Variants in CNBD1 observed in about 807,000 individuals in gnomAD.
CNBD1 encodes cyclic nucleotide binding domain containing 1, also known as cyclic nucleotide-binding domain-containing protein 1.
CNBD1 carries 71 observed loss-of-function variants against 54.4 expected under a neutral mutation model. The ratio of observed to expected loss-of-function variants is 1.30; its 90% CI spans 1.08 to 1.59. The LOEUF is 1.59. CNBD1 is among the 40% of genes most tolerant of loss of function. The pLI, the probability that CNBD1 is intolerant of heterozygous loss-of-function variation, is 0.00. For missense variants in CNBD1, 659 were observed against 518.0 expected (o/e 1.27, Z -2.64); for synonymous variants, 182 against 170.7 (o/e 1.07, Z -0.51).
At chr8:87,259,204 T>G (rs1053317082) in intron 6 of CNBD1, among the ~76,000 whole-genome samples, 3 of 152,316 alleles carry the variant, frequency 2.0e-5, no homozygotes, top group African/African-American at 7.2e-5. Context: ...TGACTTGTCC[T>G]AAACATCCCT....
At position 87,378,067 on chromosome 8, in the gene CNBD1, G is replaced by C. The variant is rs1287935699; in HGVS notation, c.1304-4553G>C. On this transcript the variant is annotated intron_variant, in intron 10 of 10. Transcript: ENST00000518476. Reference sequence around the variant, plus strand: ...TCTGGATATTAGCCCTTTGTCAGATGAGTAGGTTGCGAAAATTTTCTCCCA... The same window carrying C: ...TCTGGATATTAGCCCTTTGTCAGATCAGTAGGTTGCGAAAATTTTCTCCCA... Among the ~76,000 whole-genome samples, 14 of 142,824 alleles carry C rather than the reference G, an allele frequency of 9.8e-5. No homozygotes were observed. The South Asian group carries it at 2.7e-3, about 27-fold the overall frequency. The allele number at this position is 142,824 out of a possible 152,430, so 93.7% of individuals were successfully genotyped here. A position where few individuals can be genotyped will look rare whatever the true frequency, so the allele number is the denominator to read the frequency against.
At chr8:87,202,344 A>C (rs1043933883) in intron 4 of CNBD1, among the ~76,000 whole-genome samples, 1 of 152,254 alleles carries the variant, frequency 6.6e-6, no homozygotes, top group Admixed American at 6.5e-5. Context: ...AGAAGATTAG[A>C]ATAATAACCA....
At position 87,140,141 on chromosome 8, in the gene CNBD1, C is replaced by T. The variant is rs141043825; in HGVS notation, c.432-65852C>T. On this transcript the variant is annotated intron_variant, in intron 4 of 10. Coordinates refer to ENST00000518476, the MANE Select transcript of CNBD1 (RefSeq NM_173538.3). ...ATTAATGCTGACAAACATATTTTCCCATTTATTGCCAACAACATGTTATTT... is the reference window on the plus strand; with the variant it reads ...ATTAATGCTGACAAACATATTTTCCTATTTATTGCCAACAACATGTTATTT... Among the ~76,000 whole-genome samples, 1,165 of 152,162 alleles carry T rather than the reference C, an allele frequency of 7.7e-3. 14 individuals are homozygous for T. The highest frequency in any genetic ancestry group is 0.027 in the African/African-American group (1,122 of 41,522).
chr8:86,993,389 G>T (rs537491376), intron 4 of CNBD1, among the ~76,000 whole-genome samples: 3 of 152,066 alleles, frequency 2.0e-5, no homozygotes, highest in Non-Finnish European at 2.9e-5. Context: ...CTGGGATTGG[G>T]TTTCAACTTT....
intron 8 of CNBD1, among the ~76,000 whole-genome samples, chr8:87,287,813 G>A (rs969362772): frequency 1.1e-4 from 16 of 151,820 alleles, no homozygotes; most frequent in Non-Finnish European, 2.1e-4. Flanking sequence ...AACCTTTCTC[G>A]TATTTCTTCC....
At chr8:87,017,612 G>A (rs896458314) in intron 4 of CNBD1, among the ~76,000 whole-genome samples, 1 of 152,112 alleles carries the variant, frequency 6.6e-6, no homozygotes, top group African/African-American at 2.4e-5. Flanking sequence ...CTAATTGTAA[G>A]GAGTTGCTAA....
intron 8 of CNBD1, among the ~76,000 whole-genome samples, chr8:87,331,617 A>T (rs1809833981): frequency 6.6e-6 from 1 of 152,200 alleles, no homozygotes; most frequent in Non-Finnish European, 1.5e-5. Context: ...TTCTAGTTCT[A>T]GATCCTTAAA....
chr8:87,360,556 T>A (rs1286407913), intron 10 of CNBD1, among the ~76,000 whole-genome samples: 2 of 151,902 alleles, frequency 1.3e-5, no homozygotes, highest in African/African-American at 2.4e-5. Context: ...TCAAGTCATT[T>A]AAGGTAAAGA....
At chr8:87,136,495 T>C (rs1812229825) in intron 4 of CNBD1, among the ~76,000 whole-genome samples, 2 of 133,980 alleles carry the variant, frequency 1.5e-5, no homozygotes, top group Admixed American at 9.2e-5. Flanking sequence ...TATTTATTGA[T>C]TTTTTTACTT....
intron 1 of CNBD1, among the ~76,000 whole-genome samples, chr8:86,869,652 G>T (rs919180286): frequency 2.0e-5 from 3 of 152,126 alleles, no homozygotes; most frequent in African/African-American, 7.2e-5. Context: ...CTTAAGGGAG[G>T]AATGAATGTT....
intron 4 of CNBD1, among the ~76,000 whole-genome samples, chr8:87,082,736 G>A (rs1415004683): frequency 6.6e-6 from 1 of 151,992 alleles, no homozygotes; most frequent in African/African-American, 2.4e-5. Flanking sequence ...TACATTTAAT[G>A]TATCACTGTG....
At chr8:87,159,412 A>G (rs1040218280) in intron 4 of CNBD1, among the ~76,000 whole-genome samples, 1 of 152,166 alleles carries the variant, frequency 6.6e-6, no homozygotes, top group Non-Finnish European at 1.5e-5. Flanking sequence ...AATTAAAACA[A>G]TAAAGTTATA....
intron 10 of CNBD1, among the ~76,000 whole-genome samples, chr8:87,368,204 G>T (rs1810683494): frequency 7.1e-6 from 1 of 140,798 alleles, no homozygotes; most frequent in Admixed American, 6.9e-5. Context: ...TATAGAATTT[G>T]GGTTTTGGTT....
At chr8:87,335,191 A>T (rs1253102442) in intron 8 of CNBD1, among the ~76,000 whole-genome samples, 4 of 152,228 alleles carry the variant, frequency 2.6e-5, no homozygotes, top group East Asian at 3.9e-4. Flanking sequence ...TTCTTTTGTG[A>T]TGGAGAGTTC....
chr8:86,968,997 G>A (rs1009048237), intron 4 of CNBD1, among the ~76,000 whole-genome samples: 1 of 152,146 alleles, frequency 6.6e-6, no homozygotes, highest in Non-Finnish European at 1.5e-5. Context: ...TGGGCAAATT[G>A]TGAGGGAAGT....
chr8:87,126,463 G>A lies in CNBD1; in HGVS notation c.432-79530G>A, dbSNP rs988603581. 8.6e-5 allele frequency among the ~76,000 whole-genome samples: 13 copies of A among 151,824 alleles called. No homozygotes were observed. In the East Asian group the frequency reaches 2.3e-3, roughly 27 times the overall value. On this transcript the variant is annotated intron_variant, in intron 4 of 10. Transcript: ENST00000518476. Reference sequence around the variant, plus strand: ...CCTTTTACTTGTACAAATCTTTGTCGGTTCAAATCTTATGTCCATTTGTTT... The same window carrying A: ...CCTTTTACTTGTACAAATCTTTGTCAGTTCAAATCTTATGTCCATTTGTTT...
intron 4 of CNBD1, among the ~76,000 whole-genome samples, chr8:87,081,001 A>G (rs1234758601): frequency 6.8e-6 from 1 of 147,270 alleles, no homozygotes; most frequent in African/African-American, 2.5e-5. Flanking sequence ...GCTTTCATAT[A>G]TTTTCTCTTT....
At chr8:86,876,504 AG>A (rs1808523009) in intron 1 of CNBD1, among the ~76,000 whole-genome samples, 1 of 151,588 alleles carries the variant, frequency 6.6e-6, no homozygotes, top group African/African-American at 2.4e-5. Flanking sequence ...TCCTTTCCAA[AG>A]AACCAGCTCT....
chr8:87,391,371 A>G (rs987782836), intron 2 of CNBD1, among the ~76,000 whole-genome samples: 1 of 152,160 alleles, frequency 6.6e-6, no homozygotes, highest in Non-Finnish European at 1.5e-5. Context: ...TAATCCTAAA[A>G]TTCGTATGGA....
Sources: gnomAD v4.1 joint callset for allele counts (sites outside exome capture counted in the v4.1 genomes callset) on GRCh38, gnomAD v4.1.1 for gene constraint, MANE v1.5 for transcripts, NCBI Gene and HGNC (gene_info 2026-07-23, HGNC 2026-07-21) for gene names.